Variants in ELP4 observed in about 807,000 individuals in gnomAD.
The protein encoded by ELP4 is elongator complex protein 4.
A neutral mutation model predicts 48.9 loss-of-function variants in ELP4; 51 were observed. That is an observed-to-expected ratio of 1.04 (90% CI 0.83 to 1.32). The LOEUF (loss-of-function observed/expected upper bound fraction) is 1.32, where lower values mean the gene tolerates loss of function less well. Ranked by LOEUF, ELP4 falls within the 40% of genes most tolerant of loss-of-function variation. The pLI is 0.00. For synonymous variants in ELP4, 210 were observed against 189.2 expected (o/e 1.11, Z -0.90); for missense variants, 519 against 514.6 (o/e 1.01, Z -0.08).
chr11:31,527,817 T>C (rs564984205), intron 2 of ELP4, among the ~76,000 whole-genome samples: 1 of 152,210 alleles, frequency 6.6e-6, no homozygotes, highest in East Asian at 1.9e-4. Context: ...TTGTTGATCT[T>C]AACATAAGAT....
intron 6 of ELP4, among the ~76,000 whole-genome samples, chr11:31,629,594 A>G (rs942311473): frequency 4.6e-5 from 7 of 151,934 alleles, no homozygotes; most frequent in Non-Finnish European, 8.8e-5. Context: ...TCCTAATTTC[A>G]TACCTAACAG....
intron 3 of ELP4, among the ~76,000 whole-genome samples, chr11:31,540,837 A>C (rs1272978343): frequency 6.6e-6 from 1 of 152,210 alleles, no homozygotes; most frequent in Non-Finnish European, 1.5e-5. Flanking sequence ...AGAAATTAGA[A>C]GTACTCATTG....
At chr11:31,767,245 T>G (rs185347689) in intron 9 of ELP4, 2 of 152,326 alleles carry the variant, frequency 1.3e-5, no homozygotes, top group East Asian at 3.9e-4. Flanking sequence ...AGACCCTGGA[T>G]GAAATGACGG....
chr11:31,621,503 A>G (rs1944621031), intron 5 of ELP4, among the ~76,000 whole-genome samples: 2 of 151,944 alleles, frequency 1.3e-5, no homozygotes, highest in African/African-American at 4.8e-5. Flanking sequence ...GAAAATTTCG[A>G]AGACCAGAAC....
chr11:31,702,894 T>C (rs1480624716), intron 9 of ELP4, among the ~76,000 whole-genome samples: 3 of 152,194 alleles, frequency 2.0e-5, no homozygotes, highest in African/African-American at 7.2e-5. Context: ...AATGTAATAA[T>C]ATTTACTTCA....
At chr11:31,584,003 A>G (rs1177843811) in intron 3 of ELP4, among the ~76,000 whole-genome samples, 1 of 152,130 alleles carries the variant, frequency 6.6e-6, no homozygotes, top group Non-Finnish European at 1.5e-5. Flanking sequence ...TTCCAGACCA[A>G]TGGTTTCATA....
chr11:31,735,016 G>A (rs1369972560), intron 9 of ELP4, among the ~76,000 whole-genome samples: 3 of 152,050 alleles, frequency 2.0e-5, no homozygotes, highest in Non-Finnish European at 2.9e-5. Context: ...CATACATATA[G>A]ACCAATAGAA....
chr11:31,693,679 T>C (rs919627755), intron 9 of ELP4, among the ~76,000 whole-genome samples: 9 of 152,186 alleles, frequency 5.9e-5, no homozygotes, highest in Admixed American at 2.0e-4. Flanking sequence ...ATATACCCAG[T>C]AATGGGATGG....
chr11:31,510,816 A>G (rs1340189965), intron 1 of ELP4: 1 of 155,582 alleles, frequency 6.4e-6, no homozygotes, highest in African/African-American at 2.4e-5. Flanking sequence ...CAAAGGAATG[A>G]CCAGATTAAG....
chr11:31,746,680 T>C (rs971133641), intron 9 of ELP4, among the ~76,000 whole-genome samples: 4 of 151,994 alleles, frequency 2.6e-5, no homozygotes, highest in Non-Finnish European at 5.9e-5. Context: ...TAGGTGGGAA[T>C]TGAACAGTGA....
At chr11:31,715,442 G>A (rs1333824353) in intron 9 of ELP4, among the ~76,000 whole-genome samples, 1 of 152,138 alleles carries the variant, frequency 6.6e-6, no homozygotes, top group East Asian at 1.9e-4. Context: ...AAAAATGTAG[G>A]TAGCTTCCCA....
intron 9 of ELP4, among the ~76,000 whole-genome samples, chr11:31,709,534 C>A (rs1052147235): frequency 3.3e-5 from 5 of 152,104 alleles, no homozygotes; most frequent in African/African-American, 1.2e-4. Flanking sequence ...AAGAGTTTAT[C>A]GTGGTAATTA....
chr11:31,612,292 T>C (rs1322628327), intron 5 of ELP4, among the ~76,000 whole-genome samples: 2 of 152,216 alleles, frequency 1.3e-5, no homozygotes, highest in Non-Finnish European at 2.9e-5. Context: ...CTTAGTGAAA[T>C]AATAGGCATA....
At chr11:31,547,812 G>T (rs1245979832) in intron 3 of ELP4, among the ~76,000 whole-genome samples, 1 of 152,090 alleles carries the variant, frequency 6.6e-6, no homozygotes, top group South Asian at 2.1e-4. Context: ...TTCATCCCTG[G>T]GATGCAAGGC....
chr11:31,513,254 A>G (rs553189421), intron 1 of ELP4, among the ~76,000 whole-genome samples: 2 of 152,322 alleles, frequency 1.3e-5, no homozygotes, highest in Admixed American at 6.5e-5. Flanking sequence ...GACTTAATCT[A>G]TAGAACTATT....
At chr11:31,518,015 T>C (rs1956147689) in intron 1 of ELP4, among the ~76,000 whole-genome samples, 1 of 152,222 alleles carries the variant, frequency 6.6e-6, no homozygotes. Context: ...GAGACATTAA[T>C]CAAAATGGCA....
At chr11:31,699,512 G>A (rs1343020425) in intron 9 of ELP4, among the ~76,000 whole-genome samples, 2 of 152,020 alleles carry the variant, frequency 1.3e-5, no homozygotes, top group Admixed American at 1.3e-4. Flanking sequence ...AACCTCGAAG[G>A]AATGATAAAA....
chr11:31,647,550 G>A, intron 7 of ELP4, 191 bp from the exon 8 acceptor site: 1 of 474,554 alleles, frequency 2.1e-6, no homozygotes, highest in South Asian at 3.1e-5. Context: ...TGACTACATG[G>A]GCCAGCATTT....
intron 3 of ELP4, among the ~76,000 whole-genome samples, chr11:31,571,043 C>A (rs1285333618): frequency 6.6e-6 from 1 of 151,648 alleles, no homozygotes; most frequent in Admixed American, 6.6e-5. Context: ...CATGTTCTAC[C>A]TGTCTCGGCC....
Sources: allele counts gnomAD v4.1 joint callset (sites outside exome capture counted in the v4.1 genomes callset), GRCh38; gene constraint gnomAD v4.1.1; transcripts MANE v1.5; gene names NCBI Gene and HGNC (gene_info 2026-07-23, HGNC 2026-07-21).